Variants in RFX3 observed in about 807,000 individuals in gnomAD.
The protein encoded by RFX3 is transcription factor RFX3.
A neutral mutation model predicts 98.6 loss-of-function variants in RFX3; 14 were observed. The ratio of observed to expected loss-of-function variants is 0.14; its 90% CI spans 0.09 to 0.22. The LOEUF (loss-of-function observed/expected upper bound fraction) is 0.22, where lower values mean the gene tolerates loss of function less well. RFX3 is among the 10% of genes least tolerant of loss of function. RFX3 has a pLI of 1.00. For missense variants in RFX3, 639 were observed against 926.9 expected, an observed-to-expected ratio of 0.69 and a Z score of 4.03; for synonymous variants, 383 against 328.4, an observed-to-expected ratio of 1.17 and a Z score of -1.80.
chr9:3,523,233 G>A (rs961468232), intron 1 of RFX3, among the ~76,000 whole-genome samples: 1 of 152,120 alleles, frequency 6.6e-6, no homozygotes, highest in African/African-American at 2.4e-5. Flanking sequence ...TTCAAAGCAT[G>A]ATCACTTTTA....
chr9:3,441,504 C>T (rs1055869387), intron 1 of RFX3, among the ~76,000 whole-genome samples: 2 of 151,928 alleles, frequency 1.3e-5, no homozygotes, highest in East Asian at 1.9e-4. Flanking sequence ...ATGATTCTGG[C>T]GCTGGGGCAT....
chr9:3,483,693 G>A (rs992184458), intron 1 of RFX3, among the ~76,000 whole-genome samples: 1 of 152,202 alleles, frequency 6.6e-6, no homozygotes, highest in Non-Finnish European at 1.5e-5. Flanking sequence ...GTAAAGATCA[G>A]CAACTGTATC....
chr9:3,412,951 A>C (rs1842581550), intron 1 of RFX3, among the ~76,000 whole-genome samples: 1 of 152,134 alleles, frequency 6.6e-6, no homozygotes, highest in Non-Finnish European at 1.5e-5. Context: ...TTACTTCAGA[A>C]AATAAGATTC....
chr9:3,260,219 C>A (rs924198028), intron 13 of RFX3, among the ~76,000 whole-genome samples: 1 of 151,902 alleles, frequency 6.6e-6, no homozygotes, highest in African/African-American at 2.4e-5. Flanking sequence ...AGGGCAGATG[C>A]CGAATCATAT....
At chr9:3,514,561 C>T (rs987202925) in intron 1 of RFX3, among the ~76,000 whole-genome samples, 1 of 152,000 alleles carries the variant, frequency 6.6e-6, no homozygotes, top group African/African-American at 2.4e-5. Context: ...AGCAATACAC[C>T]CACCTCAGTC....
In RFX3 at chr9:3,232,447, G is replaced by A. The variant is rs887915477; in HGVS notation, c.1969-3558C>T. Among the ~76,000 whole-genome samples, 12 of 152,182 alleles carry A rather than the reference G, an allele frequency of 7.9e-5. 1 individual carries two copies. Among genetic ancestry groups the A allele is most frequent in the African/African-American group, 1.7e-4 (7 of 41,516 alleles). ...TACAAAGCACCCACCACAACCTGCC[G>A]AACTTATTTTGTTTCCTCACCTAAT... is the stretch of plus-strand genomic sequence containing the variant. On this transcript the variant is annotated intron_variant, in intron 15 of 16. Coordinates refer to ENST00000617270, the MANE Select transcript of RFX3 (RefSeq NM_001282116.2).
chr9:3,448,368 G>A (rs1299126189), intron 1 of RFX3, among the ~76,000 whole-genome samples: 4 of 152,018 alleles, frequency 2.6e-5, no homozygotes, highest in Non-Finnish European at 4.4e-5. Flanking sequence ...AGTGTTAAGC[G>A]GTAATTAAAA....
In RFX3 at chr9:3,263,109, G is replaced by C. The variant is rs2304931; in HGVS notation, c.1456-25C>G. 2.4e-4 allele frequency: 382 copies of C among 1,606,380 alleles called. 1 individual carries two copies. In the East Asian group the frequency reaches 8.1e-3, roughly 34 times the overall value. ...CCTGTAACGCAATCCAATTAAGTTG[G>C]GATTCTGTTTCCTCCAGTAAAAGAA... On this transcript the variant is annotated intron_variant, in intron 12 of 16. Coordinates refer to ENST00000617270, the MANE Select transcript of RFX3 (RefSeq NM_001282116.2).
At chr9:3,292,269 A>T (rs10971160) in intron 6 of RFX3, among the ~76,000 whole-genome samples, 2 of 151,726 alleles carry the variant, frequency 1.3e-5, no homozygotes, top group Non-Finnish European at 2.9e-5. Context: ...TATTTATCTT[A>T]TGATAATTTA....
intron 1 of RFX3, among the ~76,000 whole-genome samples, chr9:3,473,557 C>A (rs1231514379): frequency 6.6e-6 from 1 of 152,190 alleles, no homozygotes; most frequent in Non-Finnish European, 1.5e-5. Context: ...ACTTACCCAG[C>A]TTGCTATGTA....
At chr9:3,516,899 C>G (rs945027868) in intron 1 of RFX3, among the ~76,000 whole-genome samples, 1 of 152,228 alleles carries the variant, frequency 6.6e-6, no homozygotes, top group Non-Finnish European at 1.5e-5. Context: ...AGCTGTGAGA[C>G]TCAGCTAATT....
rs575360063 is a variant in RFX3, at chr9:3,502,216, G to A, written c.-9+23531C>T. Among the ~76,000 whole-genome samples, 9 of 150,582 alleles carry A rather than the reference G, an allele frequency of 6.0e-5. No individual in the cohort carries two copies. In the East Asian group the frequency reaches 1.6e-3, roughly 26 times the overall value. On this transcript the variant is annotated intron_variant, in intron 1 of 16. Transcript: ENST00000617270. ...GGAGCTTGCAGTGAGCCCACATCAC[G>A]CACTGCACTCCAGCCTGGGAGACAC...
rs889315312 is a variant in RFX3, at chr9:3,341,858, G to A, written c.215+4809C>T. 5.9e-5 allele frequency among the ~76,000 whole-genome samples: 9 copies of A among 152,268 alleles called. No homozygotes were observed. In the South Asian group the frequency reaches 1.2e-3, roughly 21 times the overall value. ...GTACATACGTAGAAGCATAAATGAA[G>A]AAAGCACCTCTGCATCTCAATTACA... On this transcript the variant is annotated intron_variant, in intron 3 of 16. Coordinates refer to ENST00000617270, the MANE Select transcript of RFX3 (RefSeq NM_001282116.2).
chr9:3,282,037 A>G (rs1193482652), intron 7 of RFX3, among the ~76,000 whole-genome samples: 1 of 151,816 alleles, frequency 6.6e-6, no homozygotes, highest in African/African-American at 2.4e-5. Context: ...TTGTAATTCC[A>G]GAAATTACAC....
At chr9:3,470,869 C>A (rs1848715642) in intron 1 of RFX3, among the ~76,000 whole-genome samples, 4 of 152,122 alleles carry the variant, frequency 2.6e-5, no homozygotes, top group Non-Finnish European at 5.9e-5. Context: ...CAGGGCTCTT[C>A]TAGCATTCTA....
chr9:3,304,157 A>G (rs546796230), intron 4 of RFX3, among the ~76,000 whole-genome samples: 2 of 152,152 alleles, frequency 1.3e-5, no homozygotes, highest in Non-Finnish European at 2.9e-5. Context: ...AATTAGTCCA[A>G]TGGGATAACC....
At chr9:3,298,208 A>G (rs1361982899) in intron 5 of RFX3, among the ~76,000 whole-genome samples, 1 of 151,898 alleles carries the variant, frequency 6.6e-6, no homozygotes, top group Non-Finnish European at 1.5e-5. Context: ...TCTTTTTAAA[A>G]GATGAGATTG....
intron 7 of RFX3, among the ~76,000 whole-genome samples, chr9:3,285,564 C>A (rs1240372304): frequency 1.3e-5 from 2 of 151,648 alleles, no homozygotes; most frequent in South Asian, 2.1e-4. Flanking sequence ...TTCAGAGAGA[C>A]CACAGAAGAC....
chr9:3,488,610 T>C (rs770522440), intron 1 of RFX3, among the ~76,000 whole-genome samples: 12 of 152,214 alleles, frequency 7.9e-5, no homozygotes, highest in Non-Finnish European at 1.8e-4. Context: ...TAAAGATTAT[T>C]GTAACTCTGA....
Sources: gnomAD v4.1 joint callset for allele counts (sites outside exome capture counted in the v4.1 genomes callset) on GRCh38, gnomAD v4.1.1 for gene constraint, MANE v1.5 for transcripts, NCBI Gene and HGNC (gene_info 2026-07-23, HGNC 2026-07-21) for gene names.